The following BRINP3 variants were observed in gnomAD, a reference collection of about 807,000 sequenced individuals.
The protein encoded by BRINP3 is BMP/retinoic acid inducible neural specific 3, also known as BMP/retinoic acid-inducible neural-specific protein 3.
BRINP3 carries 19 observed loss-of-function variants against 71.0 expected under a neutral mutation model. That is an observed-to-expected ratio of 0.27 (90% CI 0.19 to 0.39). BRINP3 has a LOEUF of 0.39. BRINP3 is among the 10% of genes least tolerant of loss of function. The pLI is 1.00. For missense variants in BRINP3, 959 were observed against 940.8 expected (o/e 1.02, Z -0.25); for synonymous variants, 380 against 337.7 (o/e 1.13, Z -1.37).
intron 7 of BRINP3, among the ~76,000 whole-genome samples, chr1:190,153,042 G>A (rs535545914): frequency 1.3e-5 from 2 of 152,216 alleles, no homozygotes; most frequent in African/African-American, 4.8e-5. Flanking sequence ...TGAAATGTAA[G>A]CTATATCAAG....
At chr1:190,381,395 A>T (rs1378367278) in intron 2 of BRINP3, among the ~76,000 whole-genome samples, 2 of 152,168 alleles carry the variant, frequency 1.3e-5, no homozygotes, top group Non-Finnish European at 2.9e-5. Flanking sequence ...ACAATTATGT[A>T]CCAAGCCAGC....
rs765901077 is a variant in BRINP3 at position 190,281,683 on chromosome 1, G to T, written c.304C>A (p.Pro102Thr). The change falls in exon 3 of 8, where the codon CCT becomes ACT. Residue 102 changes from proline (P) to threonine (T), a missense_variant. Physicochemically the swap from Pro to Thr is conservative, Grantham distance 38 (BLOSUM62 -1). Coordinates refer to ENST00000367462, the MANE Select transcript of BRINP3 (RefSeq NM_199051.3). ...ERRNFLGSPL[P>T]LAPEFFRNIR... ...TTGCGGAAGAATTCAGGGGCAAGAG[G>T]CAGAGGAGAGCCAAGGAAATTTCTT... 5 of 1,612,752 alleles carry T rather than the reference G, an allele frequency of 3.1e-6. No homozygotes were observed. The African/African-American group carries it at 5.3e-5, about 17-fold the overall frequency.
intron 6 of BRINP3, among the ~76,000 whole-genome samples, chr1:190,223,825 G>A (rs1226404214): frequency 1.3e-5 from 2 of 151,558 alleles, no homozygotes; most frequent in South Asian, 2.1e-4. Flanking sequence ...GTAAAGTTGC[G>A]GGATACAAAA....
chr1:190,456,221 T>A (rs899529935), intron 1 of BRINP3, among the ~76,000 whole-genome samples: 4 of 152,208 alleles, frequency 2.6e-5, no homozygotes, highest in African/African-American at 9.6e-5. Context: ...ATCTGAGAGA[T>A]ATAGAGAAAT....
chr1:190,312,008 TA>T (rs1481617563), intron 2 of BRINP3, among the ~76,000 whole-genome samples: 1 of 125,110 alleles, frequency 8.0e-6, no homozygotes, highest in Non-Finnish European at 1.7e-5. Flanking sequence ...CTAGAAAATA[TA>T]AAAAATACAT....
chr1:190,399,618 T>C (rs576261851), intron 2 of BRINP3, among the ~76,000 whole-genome samples: 2 of 152,142 alleles, frequency 1.3e-5, no homozygotes, highest in South Asian at 2.1e-4. Context: ...AAGAGAAATA[T>C]ATTACATAAT....
intron 2 of BRINP3, among the ~76,000 whole-genome samples, chr1:190,338,818 A>G (rs1248230014): frequency 6.6e-6 from 1 of 151,936 alleles, no homozygotes; most frequent in South Asian, 2.1e-4. Flanking sequence ...AGGAGTTTTA[A>G]TTAAGAAAAA....
intron 6 of BRINP3, among the ~76,000 whole-genome samples, chr1:190,171,670 T>A (rs531022490): frequency 3.9e-5 from 6 of 152,194 alleles, no homozygotes; most frequent in African/African-American, 1.4e-4. Flanking sequence ...TCACATATTA[T>A]TTAACTATTA....
intron 2 of BRINP3, among the ~76,000 whole-genome samples, chr1:190,310,209 G>A (rs1017265052): frequency 6.6e-6 from 1 of 151,104 alleles, no homozygotes; most frequent in African/African-American, 2.4e-5. Flanking sequence ...AGAGGATTAT[G>A]TATTGAATGC....
chr1:190,124,563 T>C (rs1478853705), intron 7 of BRINP3, among the ~76,000 whole-genome samples: 2 of 152,142 alleles, frequency 1.3e-5, no homozygotes, highest in Admixed American at 6.6e-5. Flanking sequence ...ACAACAGTGA[T>C]ACCTGATGGT....
At chr1:190,419,497 G>A (rs1001130414) in intron 2 of BRINP3, among the ~76,000 whole-genome samples, 7 of 151,896 alleles carry the variant, frequency 4.6e-5, no homozygotes, top group Middle Eastern at 3.4e-3. Context: ...TAAAAATATC[G>A]TATTTTTATT....
At chr1:190,476,903 A>G (rs1677538240) in intron 1 of BRINP3, among the ~76,000 whole-genome samples, 1 of 152,204 alleles carries the variant, frequency 6.6e-6, no homozygotes, top group Admixed American at 6.5e-5. Context: ...TCTTCCTACC[A>G]TTCAGTGGCA....
chr1:190,165,458 T>TG (rs1306559925), intron 6 of BRINP3, among the ~76,000 whole-genome samples: 56 of 106,948 alleles, frequency 5.2e-4, no homozygotes, highest in African/African-American at 7.1e-4. Context: ...TTTTTTTTTT[T>TG]TTTGTGTGTG....
chr1:190,374,013 C>T (rs1012650761), intron 2 of BRINP3, among the ~76,000 whole-genome samples: 1 of 151,422 alleles, frequency 6.6e-6, no homozygotes. Flanking sequence ...AGTGGGTACA[C>T]TTAGGGGCAT....
At chr1:190,349,543 A>G (rs2102036936) in intron 2 of BRINP3, among the ~76,000 whole-genome samples, 1 of 152,222 alleles carries the variant, frequency 6.6e-6, no homozygotes, top group East Asian at 1.9e-4. Flanking sequence ...ATCAAAGGCT[A>G]TTGGAGATTG....
intron 2 of BRINP3, among the ~76,000 whole-genome samples, chr1:190,441,846 G>C (rs138332156): frequency 1.3e-5 from 2 of 152,206 alleles, no homozygotes; most frequent in African/African-American, 4.8e-5. Flanking sequence ...ACATTGAAGA[G>C]ATAGAATTGG....
chr1:190,188,784 G>T (rs1326998974), intron 6 of BRINP3, among the ~76,000 whole-genome samples: 1 of 151,644 alleles, frequency 6.6e-6, no homozygotes, highest in Admixed American at 6.6e-5. Context: ...TCACATGGTG[G>T]AGTCTTGCTC....
chr1:190,270,946 T>C (rs1026796896), intron 3 of BRINP3, among the ~76,000 whole-genome samples: 2 of 151,624 alleles, frequency 1.3e-5, no homozygotes, highest in African/African-American at 4.8e-5. Flanking sequence ...AATAATTATA[T>C]CAAATATTTT....
intron 6 of BRINP3, among the ~76,000 whole-genome samples, chr1:190,191,266 T>C (rs1267777620): frequency 2.0e-5 from 3 of 152,112 alleles, no homozygotes; most frequent in Non-Finnish European, 4.4e-5. Flanking sequence ...AATTTAGAGC[T>C]ATAATACAGG....
Sources: allele counts gnomAD v4.1 joint callset (sites outside exome capture counted in the v4.1 genomes callset), GRCh38; gene constraint gnomAD v4.1.1; transcripts MANE v1.5; gene names NCBI Gene and HGNC (gene_info 2026-07-23, HGNC 2026-07-21).